The following CFAP54 variants were observed in gnomAD, a reference collection of about 807,000 sequenced individuals.
The protein encoded by CFAP54 is cilia- and flagella-associated protein 54.
A neutral mutation model predicts 370.4 loss-of-function variants in CFAP54; 290 were observed. The observed-to-expected ratio is 0.78, with a 90% CI of 0.71 to 0.86. CFAP54 has a LOEUF of 0.86. Ranked by LOEUF, CFAP54 falls within the 40% of genes least tolerant of loss-of-function variation. CFAP54 has a pLI of 0.00. For synonymous variants in CFAP54, 1,206 were observed against 1,236.5 expected (o/e 0.98, Z 0.52); for missense variants, 3,399 against 3,528.7 (o/e 0.96, Z 0.93).
intron 24 of CFAP54, among the ~76,000 whole-genome samples, chr12:96,593,540 T>C (rs896864075): frequency 6.6e-6 from 1 of 152,174 alleles, no homozygotes; most frequent in East Asian, 1.9e-4. Context: ...GCCTTCAGTT[T>C]CTTCTTTCAG....
intron 50 of CFAP54, among the ~76,000 whole-genome samples, chr12:96,729,434 CT>C (rs1957888430): frequency 6.6e-6 from 1 of 152,262 alleles, no homozygotes; most frequent in Non-Finnish European, 1.5e-5. Flanking sequence ...TGATCTCAGA[CT>C]GCTGTGCTAG....
At chr12:96,757,682 C>T (rs943674643) in intron 58 of CFAP54, 94 bp downstream of exon 58, 7 of 594,798 alleles carry the variant, frequency 1.2e-5, no homozygotes, top group Non-Finnish European at 2.0e-5. Flanking sequence ...GGCTGATTTT[C>T]CTGTGTGGCT....
intron 66 of CFAP54, among the ~76,000 whole-genome samples, chr12:96,851,759 A>G (rs1959552662): frequency 6.6e-6 from 1 of 152,094 alleles, no homozygotes; most frequent in African/African-American, 2.4e-5. Flanking sequence ...ATAACAGACA[A>G]CTTTTCTATA....
In CFAP54 at chr12:96,621,593, C is replaced by G. The variant is rs1276567836; in HGVS notation, c.3643C>G (p.Leu1215Val). 4.8e-6 allele frequency: 7 copies of G among 1,455,020 alleles called. No homozygotes were observed. The highest frequency in any genetic ancestry group is 6.4e-6 in the Non-Finnish European group (7 of 1,094,276). The allele number at this position is 1,455,020 out of a possible 1,614,324, so 90.1% of individuals were successfully genotyped here. A position where few individuals can be genotyped will look rare whatever the true frequency, so the allele number is the denominator to read the frequency against. ...ACCIFYITKI[L>V]RSWREYDLAV... ...ATTAATAAATATTTTAAATTAGATT[C>G]TTCGTTCATGGAGGGAATATGACCT... Residue 1215 changes from leucine to valine, a missense_variant, in exon 27 of 68, where the codon CTT becomes GTT. By Grantham distance (32) the Leu-to-Val change is conservative (BLOSUM62 1). Coordinates refer to ENST00000524981, the MANE Select transcript of CFAP54 (RefSeq NM_001306084.2).
chr12:96,538,686 C>A, intron 13 of CFAP54, 168 bp downstream of exon 13: 2 of 659,198 alleles, frequency 3.0e-6, no homozygotes, highest in Non-Finnish European at 5.0e-6. Context: ...GTGACCCTTT[C>A]TTTTAATGTG....
At chr12:96,584,355 T>C (rs1328514352) in intron 22 of CFAP54, among the ~76,000 whole-genome samples, 1 of 152,134 alleles carries the variant, frequency 6.6e-6, no homozygotes, top group Non-Finnish European at 1.5e-5. Flanking sequence ...TCCCAGCTAC[T>C]TAGGAGGCTG....
At chr12:96,615,155 A>G (rs1380812803) in intron 26 of CFAP54, among the ~76,000 whole-genome samples, 5 of 152,220 alleles carry the variant, frequency 3.3e-5, no homozygotes, top group Non-Finnish European at 7.3e-5. Flanking sequence ...TAGTGGTACC[A>G]AAAGAGAGAT....
chr12:96,541,828 C>G (rs1955577087), intron 14 of CFAP54, among the ~76,000 whole-genome samples: 1 of 151,852 alleles, frequency 6.6e-6, no homozygotes, highest in African/African-American at 2.4e-5. Flanking sequence ...TTTATTGTTT[C>G]TCCTCCCCTT....
chr12:96,803,024 T>C (rs977868593), intron 63 of CFAP54, among the ~76,000 whole-genome samples: 4 of 152,230 alleles, frequency 2.6e-5, no homozygotes, highest in Admixed American at 2.6e-4. Context: ...TTTTAATGGC[T>C]GCATAGCATT....
At chr12:96,800,409 T>C (rs919950149) in intron 63 of CFAP54, among the ~76,000 whole-genome samples, 2 of 152,174 alleles carry the variant, frequency 1.3e-5, no homozygotes. Flanking sequence ...TTTTCTCTAG[T>C]CACAAGAAAA....
chr12:96,724,655 G>A (rs1957807008), intron 50 of CFAP54, among the ~76,000 whole-genome samples: 1 of 151,958 alleles, frequency 6.6e-6, no homozygotes, highest in African/African-American at 2.4e-5. Flanking sequence ...AGTTTCTTTT[G>A]CTGTGCAGAA....
At chr12:96,846,528 C>T (rs1434787566) in intron 66 of CFAP54, among the ~76,000 whole-genome samples, 1 of 152,130 alleles carries the variant, frequency 6.6e-6, no homozygotes, top group East Asian at 1.9e-4. Context: ...ATTTCAAAGG[C>T]TTTTTTCTCT....
At chr12:96,497,217 G>A (rs1242362881) in intron 1 of CFAP54, among the ~76,000 whole-genome samples, 1 of 152,154 alleles carries the variant, frequency 6.6e-6, no homozygotes, top group Admixed American at 6.5e-5. Flanking sequence ...GATGCACTGA[G>A]CCTCAGCTTA....
intron 32 of CFAP54, among the ~76,000 whole-genome samples, chr12:96,642,144 ATTGT>A (rs1565925242): frequency 2.0e-5 from 3 of 151,768 alleles, no homozygotes; most frequent in African/African-American, 7.3e-5. Context: ...AATTAACATT[ATTGT>A]TTATTTTAAT....
chr12:96,688,093 A>G (rs1293336843), intron 42 of CFAP54, among the ~76,000 whole-genome samples: 1 of 152,214 alleles, frequency 6.6e-6, no homozygotes, highest in African/African-American at 2.4e-5. Flanking sequence ...GGTAGACTAC[A>G]TTAACATTGT....
At chr12:96,599,919 G>A (rs944475209) in intron 26 of CFAP54, among the ~76,000 whole-genome samples, 2 of 152,098 alleles carry the variant, frequency 1.3e-5, no homozygotes, top group Admixed American at 1.3e-4. Context: ...TTTGTCAGAT[G>A]GATAGATTGC....
intron 60 of CFAP54, among the ~76,000 whole-genome samples, chr12:96,767,224 G>A (rs190262853): frequency 1.3e-5 from 2 of 152,248 alleles, no homozygotes; most frequent in African/African-American, 2.4e-5. Flanking sequence ...TGACAAATTC[G>A]ATGGCCAATG....
rs756077394 is a variant in CFAP54, at chr12:96,651,810, A to G, written c.5095A>G (p.Ile1699Val). The change falls in exon 36 of 68, where the codon ATT becomes GTT. Residue 1699 changes from isoleucine to valine, a missense_variant. Coordinates refer to ENST00000524981, the MANE Select transcript of CFAP54 (RefSeq NM_001306084.2). Reference sequence around the variant, plus strand: ...AATACAACTACAAAATACCAGTTCTATTAAGGTAAAGACACTTTGGTAATT... The same window carrying G: ...AATACAACTACAAAATACCAGTTCTGTTAAGGTAAAGACACTTTGGTAATT... ...MLIQLQNTSS[I>V]KPIEDKGEFS... is the part of the protein sequence containing the mutation. The G allele has an allele frequency of 2.6e-6, 4 of 1,565,062 alleles. No individual in the cohort carries two copies. The highest frequency in any genetic ancestry group is 2.2e-5 in the South Asian group (2 of 89,734).
chr12:96,498,336 C>T (rs949596596), intron 1 of CFAP54, among the ~76,000 whole-genome samples: 2 of 152,164 alleles, frequency 1.3e-5, no homozygotes, highest in African/African-American at 4.8e-5. Flanking sequence ...AAATGGATCA[C>T]CTACCTAAAT....
Sources: allele counts gnomAD v4.1 joint callset (sites outside exome capture counted in the v4.1 genomes callset), GRCh38; gene constraint gnomAD v4.1.1; transcripts MANE v1.5; gene names NCBI Gene and HGNC (gene_info 2026-07-23, HGNC 2026-07-21).